Variants in LRP1B observed in about 807,000 individuals in gnomAD.
The protein encoded by LRP1B is LDL receptor related protein 1B.
LRP1B carries 217 observed loss-of-function variants against 556.6 expected under a neutral mutation model. The observed-to-expected ratio is 0.39, with a 90% CI of 0.35 to 0.44. The LOEUF (loss-of-function observed/expected upper bound fraction) is 0.44, where lower values mean the gene tolerates loss of function less well. Among genes scored for constraint, LRP1B ranks in the 20% least tolerant of loss-of-function variants. LRP1B has a pLI of 1.00. For missense variants in LRP1B, 5,053 were observed against 5,620.8 expected (o/e 0.90, Z 3.23); for synonymous variants, 2,047 against 1,865.8 (o/e 1.10, Z -2.50).
intron 21 of LRP1B, 81 bp from the exon 22 acceptor site, chr2:140,908,158 C>T: frequency 2.8e-6 from 3 of 1,078,870 alleles, no homozygotes; most frequent in Non-Finnish European, 4.2e-6. Flanking sequence ...TGTCTTCAGT[C>T]ACAGGCAGAA....
In LRP1B at chr2:140,537,920, C is replaced by T. The variant is rs546747282; in HGVS notation, c.7514-1211G>A. Reference sequence around the variant, plus strand: ...AGATTTACTAGCAAATTTTGGGATCCAATTTTTGGGGTATACTGTCTGCTT... The same window carrying T: ...AGATTTACTAGCAAATTTTGGGATCTAATTTTTGGGGTATACTGTCTGCTT... On this transcript the variant is annotated intron_variant, in intron 45 of 90. Coordinates refer to ENST00000389484, the MANE Select transcript of LRP1B (RefSeq NM_018557.3). Among the ~76,000 whole-genome samples the T allele has an allele frequency of 4.6e-5, 7 of 151,910 alleles. No homozygotes were observed. The East Asian group carries it at 1.4e-3, about 30-fold the overall frequency.
At chr2:141,089,213 A>G (rs1205932346) in intron 7 of LRP1B, among the ~76,000 whole-genome samples, 2 of 152,138 alleles carry the variant, frequency 1.3e-5, no homozygotes, top group Non-Finnish European at 2.9e-5. Context: ...GCGGGCTCTT[A>G]TTTCTGGAGG....
intron 20 of LRP1B, among the ~76,000 whole-genome samples, chr2:140,941,551 C>T (rs781721026): frequency 1.6e-4 from 24 of 152,250 alleles, no homozygotes; most frequent in Non-Finnish European, 1.2e-4. Context: ...AGCCTACCTG[C>T]CAGCCCTTAT....
At chr2:140,443,672 A>T (rs1276595704) in intron 65 of LRP1B, among the ~76,000 whole-genome samples, 2 of 152,366 alleles carry the variant, frequency 1.3e-5, no homozygotes, top group East Asian at 3.9e-4. Context: ...AAGCATGTGC[A>T]TGCCAGCTTA....
intron 2 of LRP1B, among the ~76,000 whole-genome samples, chr2:141,601,892 G>T (rs750445660): frequency 6.6e-6 from 1 of 151,978 alleles, no homozygotes; most frequent in South Asian, 2.1e-4. Flanking sequence ...ATGAGCCACC[G>T]CGTCCGGCCT....
At position 140,809,458 on chromosome 2, in the gene LRP1B, G is replaced by T. The variant is rs1037186655; in HGVS notation, c.5359+4199C>A. ...CCATCATAATTCCTGCCACTCCCAA[G>T]CTAGTTCAGATATTGCAGCCTAGAC... On this transcript the variant is annotated intron_variant, in intron 32 of 90. Coordinates refer to ENST00000389484, the MANE Select transcript of LRP1B (RefSeq NM_018557.3). Among the ~76,000 whole-genome samples, 11 of 152,018 alleles carry T rather than the reference G, an allele frequency of 7.2e-5. 1 individual carries two copies. The highest frequency in any genetic ancestry group is 1.2e-4 in the African/African-American group (5 of 41,408).
intron 1 of LRP1B, among the ~76,000 whole-genome samples, chr2:141,826,239 T>G (rs1194593578): frequency 2.0e-5 from 3 of 151,028 alleles, no homozygotes. Context: ...TTCTGTATAT[T>G]CCCATTTTAC....
chr2:141,157,087 A>G (rs1702085837), intron 7 of LRP1B, among the ~76,000 whole-genome samples: 1 of 152,118 alleles, frequency 6.6e-6, no homozygotes, highest in East Asian at 1.9e-4. Flanking sequence ...TAAAAAAACG[A>G]AGATGTTTTA....
intron 7 of LRP1B, among the ~76,000 whole-genome samples, chr2:141,107,111 T>C (rs1700624178): frequency 1.3e-5 from 2 of 152,134 alleles, no homozygotes; most frequent in African/African-American, 4.8e-5. Flanking sequence ...AATTCCCTAA[T>C]AGTCTTCCTT....
chr2:140,586,623 C>T (rs1160715225), intron 43 of LRP1B: 1 of 152,234 alleles, frequency 6.6e-6, no homozygotes, highest in African/African-American at 2.4e-5. Context: ...AGCCTGAACT[C>T]CCACTCTTCA....
chr2:140,842,108 T>C (rs1692127154), intron 29 of LRP1B, among the ~76,000 whole-genome samples: 1 of 152,216 alleles, frequency 6.6e-6, no homozygotes, highest in African/African-American at 2.4e-5. Flanking sequence ...GGTTGGTGAT[T>C]CCAATCAAAA....
intron 7 of LRP1B, among the ~76,000 whole-genome samples, chr2:141,082,487 A>T (rs576815887): frequency 6.6e-6 from 1 of 152,356 alleles, no homozygotes; most frequent in Admixed American, 6.5e-5. Context: ...ACATCAGCCT[A>T]ATGTGCTGCA....
At chr2:140,956,791 A>C (rs1465331083) in intron 18 of LRP1B, among the ~76,000 whole-genome samples, 1 of 151,786 alleles carries the variant, frequency 6.6e-6, no homozygotes, top group Non-Finnish European at 1.5e-5. Flanking sequence ...ATGTGGGTTC[A>C]AATCCTGACT....
intron 32 of LRP1B, among the ~76,000 whole-genome samples, chr2:140,781,163 C>T (rs1573709846): frequency 6.6e-6 from 1 of 152,208 alleles, no homozygotes; most frequent in African/African-American, 2.4e-5. Flanking sequence ...AGAACCACGG[C>T]CTTGAAGACC....
chr2:141,042,292 AG>A (rs1421562844), intron 11 of LRP1B, among the ~76,000 whole-genome samples: 1 of 152,110 alleles, frequency 6.6e-6, no homozygotes, highest in Non-Finnish European at 1.5e-5. Context: ...CTTATTGTTA[AG>A]AGAAAAAAAA....
At chr2:140,325,695 C>T (rs1680436176) in intron 80 of LRP1B, 67 bp downstream of exon 80, 3 of 1,057,936 alleles carry the variant, frequency 2.8e-6, no homozygotes, top group Non-Finnish European at 4.2e-6. Flanking sequence ...TCCATACTTA[C>T]ATTTTTGTAT....
In LRP1B at chr2:140,325,079, T is replaced by A. The variant is rs944602470; in HGVS notation, c.12340+683A>T. 4.6e-5 allele frequency among the ~76,000 whole-genome samples: 7 copies of A among 151,796 alleles called. No individual in the cohort carries two copies. In the East Asian group the frequency reaches 1.4e-3, roughly 30 times the overall value. ...ATGATAATTTGTGGTTACAAAAAAA[T>A]TGTGGGAAGGAGTTGAAGTAGGGAA... On this transcript the variant is annotated intron_variant, in intron 80 of 90. Transcript: ENST00000389484.
At chr2:141,024,562 G>C (rs1698164244) in intron 11 of LRP1B, among the ~76,000 whole-genome samples, 1 of 151,980 alleles carries the variant, frequency 6.6e-6, no homozygotes, top group Admixed American at 6.6e-5. Flanking sequence ...AGTAAAGATA[G>C]TGTCATAGTA....
At chr2:141,994,767 T>A (rs1450553481) in intron 1 of LRP1B, among the ~76,000 whole-genome samples, 1 of 152,178 alleles carries the variant, frequency 6.6e-6, no homozygotes, top group Non-Finnish European at 1.5e-5. Context: ...CTTTTATCTA[T>A]CTCTTCTATA....
Sources: gnomAD v4.1 joint callset for allele counts (sites outside exome capture counted in the v4.1 genomes callset) on GRCh38, gnomAD v4.1.1 for gene constraint, MANE v1.5 for transcripts, NCBI Gene and HGNC (gene_info 2026-07-23, HGNC 2026-07-21) for gene names.